Variants in ASTN1 observed in about 807,000 individuals in gnomAD.
ASTN1 encodes the protein astrotactin-1.
ASTN1 carries 41 observed loss-of-function variants against 140.7 expected under a neutral mutation model. The ratio of observed to expected loss-of-function variants is 0.29; its 90% confidence interval spans 0.23 to 0.38. ASTN1 has a LOEUF of 0.38. ASTN1 is among the 10% of genes least tolerant of loss of function. The pLI is 1.00. For synonymous variants in ASTN1, 640 were observed against 652.2 expected (o/e 0.98, Z 0.29); for missense variants, 1,479 against 1,678.8 (o/e 0.88, Z 2.08).
intron 8 of ASTN1, among the ~76,000 whole-genome samples, chr1:176,971,259 A>G (rs1673128200): frequency 6.6e-6 from 1 of 152,152 alleles, no homozygotes; most frequent in Non-Finnish European, 1.5e-5. Context: ...AATTGGCTGA[A>G]CCATCACATG....
At chr1:177,143,838 T>A (rs1370966585) in intron 1 of ASTN1, among the ~76,000 whole-genome samples, 1 of 152,182 alleles carries the variant, frequency 6.6e-6, no homozygotes, top group Non-Finnish European at 1.5e-5. Flanking sequence ...CTCATACTGA[T>A]GCTAATTTCT....
chr1:176,900,329 T>C (rs757732550), intron 16 of ASTN1, among the ~76,000 whole-genome samples: 6 of 152,156 alleles, frequency 3.9e-5, no homozygotes, highest in Non-Finnish European at 7.3e-5. Context: ...CAAACTGTGG[T>C]CGTCATTTCC....
intron 1 of ASTN1, among the ~76,000 whole-genome samples, chr1:177,087,256 G>A (rs983757828): frequency 2.6e-5 from 4 of 152,158 alleles, no homozygotes; most frequent in South Asian, 2.1e-4. Flanking sequence ...AAGAAGCACC[G>A]TGACTTGTGT....
chr1:176,983,393 G>A (rs190554192), intron 8 of ASTN1, among the ~76,000 whole-genome samples: 2 of 152,088 alleles, frequency 1.3e-5, no homozygotes, highest in Middle Eastern at 3.2e-3. Flanking sequence ...TATTTTCCAC[G>A]TAAAAGACAG....
At chr1:177,044,421 T>C (rs1156610174) in intron 2 of ASTN1, among the ~76,000 whole-genome samples, 1 of 152,306 alleles carries the variant, frequency 6.6e-6, no homozygotes, top group African/African-American at 2.4e-5. Context: ...TAGGCCTGAT[T>C]TCTTCACTAG....
chr1:177,164,683 C>T lies in ASTN1; in HGVS notation c.-7G>A, dbSNP rs760501717. ...AGAGCCCGGCTAAAGCCATCTTGAG[C>T]CCCGGCCGCCTTCCTCCTAGCGCTG... On this transcript the variant is annotated 5_prime_UTR_variant, in exon 1 of 23. Coordinates refer to ENST00000361833, the MANE Select transcript of ASTN1 (RefSeq NM_004319.3). 27 of 1,549,358 alleles carry T rather than the reference C, an allele frequency of 1.7e-5. No homozygotes were observed. Among genetic ancestry groups the T allele is most frequent in the Non-Finnish European group, 2.3e-5 (27 of 1,149,480 alleles).
At chr1:176,895,781 T>G (rs946921686) in intron 16 of ASTN1, among the ~76,000 whole-genome samples, 3 of 152,224 alleles carry the variant, frequency 2.0e-5, no homozygotes, top group Non-Finnish European at 4.4e-5. Context: ...TGATTCTCCA[T>G]TTAACTTATT....
chr1:176,888,471 A>G (rs1669133463), intron 17 of ASTN1, among the ~76,000 whole-genome samples: 2 of 152,088 alleles, frequency 1.3e-5, no homozygotes, highest in South Asian at 4.2e-4. Flanking sequence ...AGCAAGTCAT[A>G]TTCCGCCCTC....
intron 2 of ASTN1, among the ~76,000 whole-genome samples, chr1:177,040,218 A>T (rs190736459): frequency 6.6e-6 from 1 of 152,332 alleles, no homozygotes; most frequent in Non-Finnish European, 1.5e-5. Context: ...AATTATTAGG[A>T]AGATTACCTC....
intron 9 of ASTN1, among the ~76,000 whole-genome samples, chr1:176,959,950 G>A (rs561098261): frequency 6.6e-6 from 1 of 152,126 alleles, no homozygotes; most frequent in African/African-American, 2.4e-5. Flanking sequence ...TTGTTACTTA[G>A]GGGACAATAG....
chr1:177,115,083 A>T (rs1190039899), intron 1 of ASTN1, among the ~76,000 whole-genome samples: 1 of 152,146 alleles, frequency 6.6e-6, no homozygotes, highest in Non-Finnish European at 1.5e-5. Flanking sequence ...AAGGGGCAAC[A>T]GTCACGACAG....
Position 176,863,133 on chromosome 1 carries a change from C to A in ASTN1, c.*1151G>T, listed in dbSNP as rs1384839367. Reference sequence around the variant, plus strand: ...TGTTAACTGCAATCAGTGGTGCTTCCCTACACAGAATCCCTGTGACTGGAT... The same window carrying A: ...TGTTAACTGCAATCAGTGGTGCTTCACTACACAGAATCCCTGTGACTGGAT... On this transcript the variant is annotated 3_prime_UTR_variant, in exon 23 of 23. Coordinates refer to ENST00000361833, the MANE Select transcript of ASTN1 (RefSeq NM_004319.3). 1 of 985,774 alleles carries A rather than the reference C, an allele frequency of 1.0e-6. No individual in the cohort carries two copies. Among genetic ancestry groups the A allele is most frequent in the Non-Finnish European group, 1.2e-6 (1 of 829,950 alleles). 61.1% of individuals were successfully genotyped at this position (985,774 alleles called of 1,614,324 possible). A position where few individuals can be genotyped will look rare whatever the true frequency, so the allele number is the denominator to read the frequency against.
At chr1:177,108,726 G>C (rs1680672932) in intron 1 of ASTN1, among the ~76,000 whole-genome samples, 1 of 152,206 alleles carries the variant, frequency 6.6e-6, no homozygotes, top group South Asian at 2.1e-4. Flanking sequence ...AAGGCAAAGG[G>C]AGAAATGAAG....
At chr1:176,944,400 C>T (rs1241888342) in intron 13 of ASTN1, among the ~76,000 whole-genome samples, 1 of 152,204 alleles carries the variant, frequency 6.6e-6, no homozygotes, top group African/African-American at 2.4e-5. Context: ...ACTGAAACTA[C>T]AGGCATGTGC....
chr1:177,001,100 G>T (rs1272262316), intron 8 of ASTN1, among the ~76,000 whole-genome samples: 1 of 152,166 alleles, frequency 6.6e-6, no homozygotes, highest in African/African-American at 2.4e-5. Context: ...CTTGAAAGGT[G>T]GTAGCTACTA....
intron 2 of ASTN1, among the ~76,000 whole-genome samples, chr1:177,037,024 C>G (rs577852069): frequency 1.1e-4 from 17 of 151,992 alleles, no homozygotes; most frequent in African/African-American, 3.6e-4. Flanking sequence ...TTGACCATGT[C>G]GGGGAGGCTG....
At chr1:177,099,509 C>T (rs1680201609) in intron 1 of ASTN1, among the ~76,000 whole-genome samples, 1 of 151,926 alleles carries the variant, frequency 6.6e-6, no homozygotes, top group Non-Finnish European at 1.5e-5. Context: ...CTTCTGTTAA[C>T]CTATTTCTTA....
chr1:177,029,830 C>T, intron 4 of ASTN1, 89 bp from the exon 5 acceptor site: 1 of 1,263,574 alleles, frequency 7.9e-7, no homozygotes, highest in African/African-American at 1.5e-5. Flanking sequence ...GGAAAATCAA[C>T]AAAAATGAAA....
chr1:177,093,014 A>T (rs1024643153), intron 1 of ASTN1, among the ~76,000 whole-genome samples: 1 of 152,194 alleles, frequency 6.6e-6, no homozygotes, highest in Non-Finnish European at 1.5e-5. Context: ...ACGGAACTGA[A>T]CAGAGAGCTC....
Sources: allele counts gnomAD v4.1 joint callset (sites outside exome capture counted in the v4.1 genomes callset), GRCh38; gene constraint gnomAD v4.1.1; transcripts MANE v1.5; gene names NCBI Gene and HGNC (gene_info 2026-07-23, HGNC 2026-07-21).